KCNA10: variants seen among roughly 807,000 people sequenced by gnomAD.
KCNA10 encodes cyclic GMP gated potassium channel.
KCNA10 carries 16 observed loss-of-function variants against 21.4 expected under a neutral mutation model. That is an observed-to-expected ratio of 0.75 (90% CI 0.51 to 1.14). The LOEUF (loss-of-function observed/expected upper bound fraction) is 1.14, where lower values mean the gene tolerates loss of function less well. Ranked by LOEUF, KCNA10 falls within the 50% of genes most tolerant of loss-of-function variation. KCNA10 has a pLI of 0.00. For missense variants in KCNA10, 677 were observed against 649.1 expected (o/e 1.04, Z -0.47); for synonymous variants, 276 against 245.9 (o/e 1.12, Z -1.15).
Position 110,518,242 on chromosome 1 carries a change from A to C in KCNA10, c.546T>G (p.Asp182Glu). ...GSEAMDQFRE[D>E]EGFIKDPETL... The stretch of plus-strand genomic sequence containing the variant: ...TTTCAGGGTCTTTGATGAAGCCTTC[A>C]TCCTCCCGGAACTGGTCCATGGCCT... Residue 182 changes from aspartate (D) to glutamate (E), a missense_variant, in exon 1 of 1, where the codon GAT becomes GAG. Coordinates refer to ENST00000369771, the MANE Select transcript of KCNA10 (RefSeq NM_005549.2). The C allele has an allele frequency of 1.2e-6, 2 of 1,614,142 alleles. No individual in the cohort carries two copies. Among genetic ancestry groups the C allele is most frequent in the Non-Finnish European group, 1.7e-6 (2 of 1,180,042 alleles).
In KCNA10 at chr1:110,518,799, C is replaced by G; in HGVS notation, c.-12G>C. ...CCACACACATCCATTCTAGGGGAGC[C>G]AGGGAAGAAGCATGAAGATCCTCAG... On this transcript the variant is annotated 5_prime_UTR_variant, in exon 1 of 1. Transcript: ENST00000369771. The G allele has an allele frequency of 6.6e-7, 1 of 1,523,102 alleles. No individual in the cohort carries two copies. Among genetic ancestry groups the G allele is most frequent in the Non-Finnish European group, 8.8e-7 (1 of 1,131,966 alleles). The allele number at this position is 1,523,102 out of a possible 1,614,324, so 94.3% of individuals were successfully genotyped here.
Position 110,517,311 on chromosome 1 carries a change from T to G in KCNA10, c.1477A>C (p.Ser493Arg). 1 of 1,614,184 alleles carries G rather than the reference T, an allele frequency of 6.2e-7. No individual in the cohort carries two copies. The highest frequency in any genetic ancestry group is 8.5e-7 in the Non-Finnish European group (1 of 1,180,030). Residue 493 changes from serine (S) to arginine (R), a missense_variant, in exon 1 of 1, where the codon AGC becomes CGC. Transcript: ENST00000369771. ...TTGGTCTTATTAAGAGAGTCTGTGC[T>G]GCCCATTCTTGAGCCTACACTGTTG... is the stretch of plus-strand genomic sequence containing the variant. ...ILNSVGSRMG[S>R]TDSLNKTNGG...
In KCNA10 at chr1:110,517,778, A is replaced by G; in HGVS notation, c.1010T>C (p.Leu337Pro). 1 of 1,614,174 alleles carries G rather than the reference A, an allele frequency of 6.2e-7. No individual in the cohort carries two copies. Among genetic ancestry groups the G allele is most frequent in the Non-Finnish European group, 8.5e-7 (1 of 1,180,032 alleles). The change falls in exon 1 of 1, where the codon CTG (leucine) becomes CCG (proline). Residue 337 changes from leucine (L) to proline (P), a missense_variant. Transcript: ENST00000369771. Reference sequence around the variant, plus strand: ...CAGGCGGATGATCCTCAGGATGGCCAGGGACATGTTCTGTTGGGCACTCGG... The same window carrying G: ...CAGGCGGATGATCCTCAGGATGGCCGGGGACATGTTCTGTTGGGCACTCGG... ...TEPSAQQNMSLAILRIIRLVR... is the reference protein window; with the variant it reads ...TEPSAQQNMSPAILRIIRLVR...
rs780820684 is a variant in KCNA10, at chr1:110,518,022, T to G, written c.766A>C (p.Asn256His). ...TGGGAGAGGACTGTCTTGCTCATGTTGAGATTGGGGTCTCTGACCACCTTT... is the reference window on the plus strand; with the variant it reads ...TGGGAGAGGACTGTCTTGCTCATGTGGAGATTGGGGTCTCTGACCACCTTT... ...ELKVVRDPNL[N>H]MSKTVLSQTM... Residue 256 changes from asparagine (N) to histidine (H), a missense_variant, in exon 1 of 1, where the codon AAC (asparagine) becomes CAC (histidine). Transcript: ENST00000369771. The G allele has an allele frequency of 8.7e-6, 14 of 1,613,648 alleles. No homozygotes were observed. The Admixed American group carries it at 1.5e-4, about 17-fold the overall frequency.
rs116520868 is a variant in KCNA10, at chr1:110,519,096, T to A, written c.-309A>T. 1.4e-3 allele frequency: 389 copies of A among 268,280 alleles called. 2 individuals are homozygous for A. Among genetic ancestry groups the A allele is most frequent in the African/African-American group, 8.2e-3 (369 of 45,232 alleles). 16.6% of individuals were successfully genotyped at this position (268,280 alleles called of 1,614,324 possible). On this transcript the variant is annotated 5_prime_UTR_variant, in exon 1 of 1. Transcript: ENST00000369771. ...AGGGGAGATTCTCCCCAGCAAAGGA[T>A]GGTCTCCATATGTGATGGCAGAGGG... is the stretch of plus-strand genomic sequence containing the variant.
In KCNA10 at chr1:110,517,303, G is replaced by A; in HGVS notation, c.1485C>T (p.Asp495=). The A allele has an allele frequency of 6.2e-7, 1 of 1,614,194 alleles. No individual in the cohort carries two copies. The highest frequency in any genetic ancestry group is 1.1e-5 in the South Asian group (1 of 91,082). ...AGCCACCATTGGTCTTATTAAGAGAGTCTGTGCTGCCCATTCTTGAGCCTA... is the reference window on the plus strand; with the variant it reads ...AGCCACCATTGGTCTTATTAAGAGAATCTGTGCTGCCCATTCTTGAGCCTA... The part of the protein sequence containing the change: ...NSVGSRMGST[D]SLNKTNGGCS... Residue 495 remains aspartate (D), a synonymous_variant, in exon 1 of 1, where the codon GAC becomes GAT. Transcript: ENST00000369771.
rs1378548735 is a variant in KCNA10 at position 110,517,944 on chromosome 1, A to G, written c.844T>C (p.Phe282Leu). ...AACCGGAGCACCAGCTCGAAGGTGA[A>G]CCACACGATGCAGGTAGACTCCACC... The part of the protein sequence containing the change: ...FMVESTCIVW[F>L]TFELVLRFVV... Residue 282 changes from phenylalanine to leucine, a missense_variant, in exon 1 of 1, where the codon TTC (phenylalanine) becomes CTC (leucine). Phe to Leu is a conservative substitution (Grantham distance 22). Transcript: ENST00000369771. 6.8e-6 allele frequency: 11 copies of G among 1,613,744 alleles called. No homozygotes were observed. The highest frequency in any genetic ancestry group is 9.3e-6 in the Non-Finnish European group (11 of 1,179,992).
In KCNA10 at chr1:110,519,023, A is replaced by C. The variant is rs1647308550; in HGVS notation, c.-236T>G. ...AATCATTTTGTACCCCTGAGTTTGCATAAACTAATAACTAGGAGAAATTGC... is the reference window on the plus strand; with the variant it reads ...AATCATTTTGTACCCCTGAGTTTGCCTAAACTAATAACTAGGAGAAATTGC... On this transcript the variant is annotated 5_prime_UTR_variant, in exon 1 of 1. It removes an upstream start codon present in the reference 5' UTR. Transcript: ENST00000369771. 1 of 410,566 alleles carries C rather than the reference A, an allele frequency of 2.4e-6. No individual in the cohort carries two copies. Among genetic ancestry groups the C allele is most frequent in the Non-Finnish European group, 4.5e-6 (1 of 221,630 alleles). 25.4% of individuals were successfully genotyped at this position (410,566 alleles called of 1,614,324 possible). A position where few individuals can be genotyped will look rare whatever the true frequency, so the allele number is the denominator to read the frequency against.
Position 110,517,624 on chromosome 1 carries a change from G to T in KCNA10, c.1164C>A (p.Leu388=), listed in dbSNP as rs769786265. ...LIFFLFIGVI[L]FSSAVYFAEV... is the part of the protein sequence containing the mutation. ...CAGCAAAGTAGACTGCACTGGAGAA[G>T]AGGATGACTCCAATGAAGAGAAAGA... The change falls in exon 1 of 1, where the codon CTC becomes CTA. Residue 388 remains leucine, a synonymous_variant. Transcript: ENST00000369771. 3.7e-6 allele frequency: 6 copies of T among 1,614,218 alleles called. No homozygotes were observed. Among genetic ancestry groups the T allele is most frequent in the East Asian group, 2.2e-5 (1 of 44,880 alleles).
rs775327009 is a variant in KCNA10, at chr1:110,517,712, T to C, written c.1076A>G (p.Lys359Arg). Residue 359 changes from lysine to arginine, a missense_variant, in exon 1 of 1, where the codon AAG becomes AGG. Transcript: ENST00000369771. ...TGTTTGCCCGAGGATCTGCAGCCCC[T>C]TGGAGTGGCGCGAGAGCTTGAAGAT... ...FRIFKLSRHSKGLQILGQTLK... is the reference protein window; with the variant it reads ...FRIFKLSRHSRGLQILGQTLK... 2 of 1,614,114 alleles carry C rather than the reference T, an allele frequency of 1.2e-6. No individual in the cohort carries two copies. Among genetic ancestry groups the C allele is most frequent in the South Asian group, 1.1e-5 (1 of 91,072 alleles).
At position 110,518,244 on chromosome 1, in the gene KCNA10, C is replaced by G; in HGVS notation, c.544G>C (p.Asp182His). ...TCAGGGTCTTTGATGAAGCCTTCATCCTCCCGGAACTGGTCCATGGCCTCA... is the reference window on the plus strand; with the variant it reads ...TCAGGGTCTTTGATGAAGCCTTCATGCTCCCGGAACTGGTCCATGGCCTCA... ...GSEAMDQFRE[D>H]EGFIKDPETL... Residue 182 changes from aspartate to histidine, a missense_variant, in exon 1 of 1, where the codon GAT becomes CAT. Asp to His is a moderately conservative substitution (Grantham distance 81, BLOSUM62 -1). Coordinates refer to ENST00000369771, the MANE Select transcript of KCNA10 (RefSeq NM_005549.2). The G allele has an allele frequency of 6.2e-7, 1 of 1,614,158 alleles. No individual in the cohort carries two copies. The highest frequency in any genetic ancestry group is 8.5e-7 in the Non-Finnish European group (1 of 1,180,034).
At position 110,517,555 on chromosome 1, in the gene KCNA10, G is replaced by T. The variant is rs143185104; in HGVS notation, c.1233C>A (p.Gly411=). 6.2e-7 allele frequency: 1 copy of T among 1,614,204 alleles called. No homozygotes were observed. Among genetic ancestry groups the T allele is most frequent in the East Asian group, 2.2e-5 (1 of 44,876 alleles). The change falls in exon 1 of 1, where the codon GGC becomes GGA. Residue 411 remains glycine, a synonymous_variant. Coordinates refer to ENST00000369771, the MANE Select transcript of KCNA10 (RefSeq NM_005549.2). The part of the protein sequence containing the change: ...PESHFSSIPD[G]FWWAVVTMTT... ...TCATGGTGACCACTGCCCACCAGAA[G>T]CCATCAGGAATGCTAGAGAAATGGG... is the stretch of plus-strand genomic sequence containing the variant.
chr1:110,518,385 G>C lies in KCNA10; in HGVS notation c.403C>G (p.Arg135Gly), dbSNP rs755048620. The C allele has an allele frequency of 5.6e-6, 9 of 1,614,188 alleles. No individual in the cohort carries two copies. The East Asian group carries it at 1.3e-4, about 24-fold the overall frequency. The change falls in exon 1 of 1, where the codon CGG becomes GGG. Residue 135 changes from arginine (R) to glycine (G), a missense_variant. Physicochemically the swap from Arg to Gly is moderately radical, Grantham distance 125. Coordinates refer to ENST00000369771, the MANE Select transcript of KCNA10 (RefSeq NM_005549.2). ...TATAGGATTCCATCAAAACTGGGCCGGTTCCGATCAAAGAAATACTCATTT... is the reference window on the plus strand; with the variant it reads ...TATAGGATTCCATCAAAACTGGGCCCGTTCCGATCAAAGAAATACTCATTT... Reference protein sequence around the residue: ...MRNEYFFDRNRPSFDGILYYY... With the variant: ...MRNEYFFDRNGPSFDGILYYY...
Position 110,517,970 on chromosome 1 carries a change from A to G in KCNA10, c.818T>C (p.Met273Thr), listed in dbSNP as rs1570714941. ...SQTMFTDPFF[M>T]VESTCIVWFT... ...CCACACGATGCAGGTAGACTCCACC[A>G]TGAAGAAAGGGTCGGTGAACATGGT... Residue 273 changes from methionine (M) to threonine (T), a missense_variant, in exon 1 of 1, where the codon ATG (methionine) becomes ACG (threonine). Met to Thr is a moderately conservative substitution (Grantham distance 81). Transcript: ENST00000369771. 6.2e-7 allele frequency: 1 copy of G among 1,613,864 alleles called. No individual in the cohort carries two copies. The highest frequency in any genetic ancestry group is 8.5e-7 in the Non-Finnish European group (1 of 1,180,006).
At position 110,519,029 on chromosome 1, in the gene KCNA10, T is replaced by C. The variant is rs1440632512; in HGVS notation, c.-242A>G. The C allele has an allele frequency of 2.5e-6, 1 of 398,034 alleles. No homozygotes were observed. 24.7% of individuals were successfully genotyped at this position (398,034 alleles called of 1,614,324 possible). On this transcript the variant is annotated 5_prime_UTR_variant, in exon 1 of 1. An upstream open reading frame in the 5' UTR loses its in-frame stop. Coordinates refer to ENST00000369771, the MANE Select transcript of KCNA10 (RefSeq NM_005549.2). ...TTTGTACCCCTGAGTTTGCATAAAC[T>C]AATAACTAGGAGAAATTGCAAAAAA...
At position 110,518,521 on chromosome 1, in the gene KCNA10, G is replaced by C. The variant is rs2101235535; in HGVS notation, c.267C>G (p.Ile89Met). ...VVLNEGNQRV[I>M]INIAGLRFET... ...CAAATCTCAGCCCAGCAATGTTGAT[G>C]ATCACCCGCTGGTTTCCTTCATTTA... Residue 89 changes from isoleucine (I) to methionine (M), a missense_variant, in exon 1 of 1, where the codon ATC becomes ATG. By Grantham distance (10) the Ile-to-Met change is conservative (BLOSUM62 1). Coordinates refer to ENST00000369771, the MANE Select transcript of KCNA10 (RefSeq NM_005549.2). 1 of 1,614,192 alleles carries C rather than the reference G, an allele frequency of 6.2e-7. No individual in the cohort carries two copies. Among genetic ancestry groups the C allele is most frequent in the Non-Finnish European group, 8.5e-7 (1 of 1,180,038 alleles).
chr1:110,518,300 G>T lies in KCNA10; in HGVS notation c.488C>A (p.Ala163Asp), dbSNP rs144774548. ...RPANVPIDIF[A>D]DEISFYELGS... ...CAGCTCATAGAAGGAGATTTCATCA[G>T]CAAAGATATCAATGGGAACATTGGC... Residue 163 changes from alanine (A) to aspartate (D), a missense_variant, in exon 1 of 1, where the codon GCT becomes GAT. Physicochemically the swap from Ala to Asp is moderately radical, Grantham distance 126. Transcript: ENST00000369771. 102 of 1,614,102 alleles carry T rather than the reference G, an allele frequency of 6.3e-5. No individual in the cohort carries two copies. The highest frequency in any genetic ancestry group is 6.7e-5 in the Non-Finnish European group (79 of 1,180,044).
chr1:110,517,259 C>T lies in KCNA10; in HGVS notation c.1529G>A (p.Arg510Lys), dbSNP rs535534497. ...TNGGCSTEKS[R>K]K ...CAAGAAGCCCTGGACTGATCATTTC[C>T]TAGACTTCTCTGTGGAACAGCCACC... Residue 510 changes from arginine (R) to lysine (K), a missense_variant, in exon 1 of 1, where the codon AGG becomes AAG. Physicochemically the swap from Arg to Lys is conservative, Grantham distance 26 (BLOSUM62 2). Coordinates refer to ENST00000369771, the MANE Select transcript of KCNA10 (RefSeq NM_005549.2). The T allele has an allele frequency of 5.6e-6, 9 of 1,612,482 alleles. No individual in the cohort carries two copies. The highest frequency in any genetic ancestry group is 2.7e-5 in the African/African-American group (2 of 74,936).
At position 110,517,833 on chromosome 1, in the gene KCNA10, G is replaced by A. The variant is rs974039455; in HGVS notation, c.955C>T (p.Leu319Phe). Residue 319 changes from leucine to phenylalanine, a missense_variant, in exon 1 of 1, where the codon CTC becomes TTC. Transcript: ENST00000369771. ...GTCTCCTGGACTAGCTCTGTGATGA[G>A]AGTTGCAAAGTAGGGGATAATGGAG... is the stretch of plus-strand genomic sequence containing the variant. ...IISIIPYFAT[L>F]ITELVQETEP... 20 of 1,614,094 alleles carry A rather than the reference G, an allele frequency of 1.2e-5. No individual in the cohort carries two copies. Among genetic ancestry groups the A allele is most frequent in the Non-Finnish European group, 1.7e-5 (20 of 1,179,998 alleles).
Sources: allele counts gnomAD v4.1 joint callset, GRCh38; gene constraint gnomAD v4.1.1; transcripts MANE v1.5; gene names NCBI Gene and HGNC (gene_info 2026-07-23, HGNC 2026-07-21).